The following ZNF790 variants were observed in gnomAD, a reference collection of about 807,000 sequenced individuals.
The protein encoded by ZNF790 is zinc finger protein 790.
ZNF790 carries 8 observed loss-of-function variants against 12.1 expected under a neutral mutation model. The ratio of observed to expected loss-of-function variants is 0.66; its 90% confidence interval spans 0.39 to 1.19. The LOEUF is 1.19. Among genes scored for constraint, ZNF790 ranks in the 50% most tolerant of loss-of-function variants. ZNF790 has a pLI of 0.01. For missense variants in ZNF790, 707 were observed against 752.2 expected (o/e 0.94, Z 0.70); for synonymous variants, 252 against 244.3 (o/e 1.03, Z -0.29).
chr19:36,850,789 GACT>G (rs1326677456), upstream of ZNF790: 1 of 152,230 alleles, frequency 6.6e-6, no homozygotes, highest in Non-Finnish European at 1.5e-5. Flanking sequence ...TCGCTTTCTG[GACT>G]ACACTTCCCA....
chr19:36,833,243 A>G (rs1192041841), intron 1 of ZNF790, among the ~76,000 whole-genome samples: 2 of 152,214 alleles, frequency 1.3e-5, no homozygotes, highest in African/African-American at 4.8e-5. Context: ...CCCGGGTTCA[A>G]GTAATTCTCC....
rs1439301313 is a variant in ZNF790 at position 36,818,848 on chromosome 19, AT to A, written c.1495del (p.Ile499PhefsTer154). ...TTCATATGGCCTCTTTCCAGTATGA[AT>A]TTTCTGGTGTCGATTAAGTTCTGAA... ...RGSELNRHQK[I>X]HTGKRPYECE... is the part of the protein sequence containing the mutation. On this transcript the variant is annotated frameshift_variant, in exon 5 of 5. Transcript: ENST00000356725. LOFTEE classifies it low-confidence loss of function (END_TRUNC). 6.2e-7 allele frequency: 1 copy of A among 1,613,594 alleles called. No individual in the cohort carries two copies. The highest frequency in any genetic ancestry group is 1.7e-5 in the Admixed American group (1 of 59,946).
chr19:36,818,511 G>T lies in ZNF790; in HGVS notation c.1833C>A (p.Tyr611Ter), dbSNP rs1600640758. 1 of 1,595,774 alleles carries T rather than the reference G, an allele frequency of 6.3e-7. No individual in the cohort carries two copies. Among genetic ancestry groups the T allele is most frequent in the African/African-American group, 1.3e-5 (1 of 74,522 alleles). Residue 611 changes from tyrosine to a stop codon, truncating the protein, a stop_gained, in exon 5 of 5, where the codon TAC becomes TAA. Transcript: ENST00000356725. LOFTEE classifies it low-confidence loss of function (END_TRUNC). ...TAAATTCATAGGATTTCTCAAAAGT[G>T]TAAATATTCTGGTGTTGAGCAAAGT... ...ESNFAQHQNIYTFEKSYEFKD... is the reference protein window; with the variant it reads ...ESNFAQHQNI
intron 1 of ZNF790, among the ~76,000 whole-genome samples, chr19:36,827,455 T>G (rs2445878): frequency 0.34 from 51,413 of 151,700 alleles, 9,468 homozygotes; most frequent in African/African-American, 0.48. Flanking sequence ...ACACAAAAAG[T>G]TCAACCTGTT....
At chr19:36,846,898 T>A (rs2072185531) in intron 1 of ZNF790, among the ~76,000 whole-genome samples, 1 of 152,206 alleles carries the variant, frequency 6.6e-6, no homozygotes, top group Non-Finnish European at 1.5e-5. Flanking sequence ...AGTTTTCCAA[T>A]GAGCACAGCT....
At chr19:36,824,147 C>A (rs1485183717) in intron 2 of ZNF790, among the ~76,000 whole-genome samples, 1 of 151,892 alleles carries the variant, frequency 6.6e-6, no homozygotes, top group Non-Finnish European at 1.5e-5. Flanking sequence ...CAGGCGCCCG[C>A]TACCACGCCC....
upstream of ZNF790, among the ~76,000 whole-genome samples, chr19:36,843,371 C>T (rs750749975): frequency 1.3e-5 from 2 of 152,264 alleles, no homozygotes; most frequent in Admixed American, 6.5e-5. Context: ...GGTAGTCTTG[C>T]TGGATTAAGA....
chr19:36,825,905 G>A (rs1180484907), intron 1 of ZNF790, among the ~76,000 whole-genome samples: 4 of 152,112 alleles, frequency 2.6e-5, no homozygotes, highest in African/African-American at 9.7e-5. Context: ...TACTAGATAA[G>A]TCAATTCTGG....
Position 36,819,841 on chromosome 19 carries a change from T to C in ZNF790, c.503A>G (p.Lys168Arg), listed in dbSNP as rs1340253938. 1.2e-6 allele frequency: 2 copies of C among 1,613,990 alleles called. No individual in the cohort carries two copies. The highest frequency in any genetic ancestry group is 1.7e-6 in the Non-Finnish European group (2 of 1,179,900). ...NLHQRLNTGD[K>R]LNEFKELGKA... The stretch of plus-strand genomic sequence containing the variant: ...CCCCAGTTCTTTAAATTCATTCAGT[T>C]TGTCTCCTGTATTAAGTCTCTGGTG... Residue 168 changes from lysine (K) to arginine (R), a missense_variant, in exon 5 of 5, where the codon AAA (lysine) becomes AGA (arginine). Physicochemically the swap from Lys to Arg is conservative, Grantham distance 26. Coordinates refer to ENST00000356725, the MANE Select transcript of ZNF790 (RefSeq NM_206894.4).
rs1328122276 is a variant in ZNF790 at position 36,819,010 on chromosome 19, T to C, written c.1334A>G (p.Asn445Ser). ...CTTACATTCATAGGATTTCCTCTCA[T>C]TGTGAATTTTCTCATGTTGAGCAAG... The part of the protein sequence containing the change: ...SYLAQHEKIH[N>S]ERKSYECKEC... Residue 445 changes from asparagine to serine, a missense_variant, in exon 5 of 5, where the codon AAT (asparagine) becomes AGT (serine). Coordinates refer to ENST00000356725, the MANE Select transcript of ZNF790 (RefSeq NM_206894.4). The C allele has an allele frequency of 6.2e-7, 1 of 1,613,914 alleles. No homozygotes were observed. The highest frequency in any genetic ancestry group is 8.5e-7 in the Non-Finnish European group (1 of 1,179,976).
At chr19:36,826,620 CTATAATTATA>C in intron 1 of ZNF790, among the ~76,000 whole-genome samples, 1 of 144,816 alleles carries the variant, frequency 6.9e-6, no homozygotes, top group East Asian at 2.0e-4. Flanking sequence ...TTATAATTAT[CTATAATTATA>C]TATATAATAA....
upstream of ZNF790, among the ~76,000 whole-genome samples, chr19:36,841,216 G>A (rs1237279407): frequency 2.0e-5 from 3 of 152,172 alleles, no homozygotes. Flanking sequence ...ACAAGCACAG[G>A]ATAGCTTGCC....
rs756329610 is a variant in ZNF790 at position 36,818,621 on chromosome 19, A to C, written c.1723T>G (p.Ser575Ala). 2 of 1,611,334 alleles carry C rather than the reference A, an allele frequency of 1.2e-6. No individual in the cohort carries two copies. Among genetic ancestry groups the C allele is most frequent in the Non-Finnish European group, 1.7e-6 (2 of 1,178,514 alleles). The change falls in exon 5 of 5, where the codon TCA becomes GCA. Residue 575 changes from serine to alanine, a missense_variant. Physicochemically the swap from Ser to Ala is moderately conservative, Grantham distance 99. Transcript: ENST00000356725. ...KKSSHIFSHHSYFTEQKIHNS... is the reference protein window; with the variant it reads ...KKSSHIFSHHAYFTEQKIHNS... ...TGAATTTTTTGTTCAGTAAAATATG[A>C]ATGGTGACTAAAGATGTGGCTACTT...
At chr19:36,832,082 C>T (rs781317144) in intron 1 of ZNF790, among the ~76,000 whole-genome samples, 1 of 151,970 alleles carries the variant, frequency 6.6e-6, no homozygotes, top group Non-Finnish European at 1.5e-5. Flanking sequence ...AGCTGTCATT[C>T]GAGTATAAAG....
In ZNF790 at chr19:36,817,687, T is replaced by C. The variant is rs2145999307; in HGVS notation, c.*746A>G. The C allele has an allele frequency of 6.6e-6, 1 of 151,976 alleles. No individual in the cohort carries two copies. The highest frequency in any genetic ancestry group is 2.4e-5 in the African/African-American group (1 of 41,484). 9.4% of individuals were successfully genotyped at this position (151,976 alleles called of 1,614,324 possible). On this transcript the variant is annotated 3_prime_UTR_variant, in exon 5 of 5. Coordinates refer to ENST00000356725, the MANE Select transcript of ZNF790 (RefSeq NM_206894.4). ...AAAAAAAAAAAATAGAGGCAGGATG[T>C]ATTGAAACAAGACATGCCAAATAAA...
intron 1 of ZNF790, among the ~76,000 whole-genome samples, chr19:36,844,391 A>C (rs2072158632): frequency 6.6e-6 from 1 of 152,106 alleles, no homozygotes; most frequent in Admixed American, 6.6e-5. Flanking sequence ...ACAAGCAAAC[A>C]ATAGAAATAG....
At chr19:36,826,256 C>T (rs1490629019) in intron 1 of ZNF790, among the ~76,000 whole-genome samples, 2 of 151,818 alleles carry the variant, frequency 1.3e-5, no homozygotes, top group African/African-American at 2.4e-5. Context: ...CTGGATTGGG[C>T]GAGTAGTCAG....
chr19:36,840,465 T>C (rs760393871), upstream of ZNF790, among the ~76,000 whole-genome samples: 3 of 152,202 alleles, frequency 2.0e-5, no homozygotes, highest in Non-Finnish European at 4.4e-5. Flanking sequence ...ACATGTGAGA[T>C]GTTACCAATC....
chr19:36,834,419 C>T (rs898601445), intron 1 of ZNF790, among the ~76,000 whole-genome samples: 1 of 152,154 alleles, frequency 6.6e-6, no homozygotes, highest in African/African-American at 2.4e-5. Flanking sequence ...CTTGAACTGG[C>T]ACTTCCCAAA....
Sources: gnomAD v4.1 joint callset for allele counts (sites outside exome capture counted in the v4.1 genomes callset) on GRCh38, gnomAD v4.1.1 for gene constraint, MANE v1.5 for transcripts, NCBI Gene and HGNC (gene_info 2026-07-23, HGNC 2026-07-21) for gene names.